The following INSYN2B variants were observed in gnomAD, a reference collection of about 807,000 sequenced individuals.
The protein encoded by INSYN2B is inhibitory synaptic factor family member 2B.
INSYN2B carries 16 observed loss-of-function variants against 41.2 expected under a neutral mutation model. That is an observed-to-expected ratio of 0.39 (90% CI 0.26 to 0.59). The LOEUF (loss-of-function observed/expected upper bound fraction) is 0.59, where lower values mean the gene tolerates loss of function less well. Ranked by LOEUF, INSYN2B falls within the 20% of genes least tolerant of loss-of-function variation. The probability of loss-of-function intolerance (pLI) is 0.57; values close to 1 mark genes in which losing one functional copy is unlikely to be tolerated. For synonymous variants in INSYN2B, 245 were observed against 244.4 expected (o/e 1.00, Z -0.02); for missense variants, 608 against 646.4 (o/e 0.94, Z 0.64).
At chr5:169,973,296 G>T (rs1416372909) in intron 1 of INSYN2B, among the ~76,000 whole-genome samples, 1 of 152,134 alleles carries the variant, frequency 6.6e-6, no homozygotes, top group African/African-American at 2.4e-5. Context: ...CCACAGGGGG[G>T]TTTAAATCAT....
intron 1 of INSYN2B, among the ~76,000 whole-genome samples, chr5:169,928,988 G>A (rs1480981197): frequency 1.3e-5 from 2 of 152,212 alleles, no homozygotes; most frequent in Non-Finnish European, 2.9e-5. Flanking sequence ...AAACATGTAG[G>A]ATGAGGAGGA....
intron 1 of INSYN2B, among the ~76,000 whole-genome samples, chr5:169,905,213 G>A (rs1774210413): frequency 6.6e-6 from 1 of 152,062 alleles, no homozygotes; most frequent in East Asian, 1.9e-4. Context: ...AGAGAGAAAT[G>A]TGCCACAAAG....
intron 1 of INSYN2B, among the ~76,000 whole-genome samples, chr5:169,925,463 C>G (rs1775389736): frequency 1.3e-5 from 2 of 151,764 alleles, no homozygotes; most frequent in African/African-American, 4.8e-5. Flanking sequence ...ACCTGTAATC[C>G]CAGCTACTTG....
intron 1 of INSYN2B, among the ~76,000 whole-genome samples, chr5:169,894,972 G>A (rs1446411804): frequency 6.6e-6 from 1 of 152,118 alleles, no homozygotes; most frequent in Non-Finnish European, 1.5e-5. Context: ...ATTTCTTAAG[G>A]GGCCAAGAAC....
intron 1 of INSYN2B, among the ~76,000 whole-genome samples, chr5:169,888,166 C>T (rs1283635206): frequency 6.6e-6 from 1 of 152,150 alleles, no homozygotes; most frequent in African/African-American, 2.4e-5. Flanking sequence ...TGTGTCGGAA[C>T]TCTCCTGCCC....
intron 1 of INSYN2B, among the ~76,000 whole-genome samples, chr5:169,887,621 A>T (rs949610766): frequency 1.3e-5 from 2 of 152,212 alleles, no homozygotes; most frequent in African/African-American, 4.8e-5. Flanking sequence ...CTATTTAAAT[A>T]GTATTTTTGT....
intron 1 of INSYN2B, among the ~76,000 whole-genome samples, chr5:169,885,156 T>C (rs547543725): frequency 2.0e-5 from 3 of 152,334 alleles, no homozygotes; most frequent in South Asian, 4.1e-4. Context: ...TCAGGACCCA[T>C]TGTACATCCT....
At chr5:169,964,696 G>T (rs1159782362) in intron 1 of INSYN2B, among the ~76,000 whole-genome samples, 3 of 152,230 alleles carry the variant, frequency 2.0e-5, no homozygotes, top group South Asian at 2.1e-4. Context: ...GGCTGGAGCT[G>T]CCCTGTCTTC....
intron 1 of INSYN2B, among the ~76,000 whole-genome samples, chr5:169,904,966 G>C (rs1178773820): frequency 6.6e-6 from 1 of 152,132 alleles, no homozygotes; most frequent in African/African-American, 2.4e-5. Flanking sequence ...CTCCCTAGCT[G>C]TGTGACCTTG....
intron 1 of INSYN2B, among the ~76,000 whole-genome samples, chr5:169,887,015 A>C (rs1192609142): frequency 6.6e-6 from 1 of 152,240 alleles, no homozygotes; most frequent in South Asian, 2.1e-4. Flanking sequence ...ACTGAGGCAC[A>C]GAAGATGAAT....
chr5:169,924,643 A>G (rs1429331005), intron 1 of INSYN2B, among the ~76,000 whole-genome samples: 3 of 152,166 alleles, frequency 2.0e-5, no homozygotes, highest in Non-Finnish European at 4.4e-5. Context: ...CCTATTAGCA[A>G]CCCCATCCTG....
chr5:169,864,211 G>A lies in INSYN2B; in HGVS notation c.*62C>T. The A allele has an allele frequency of 7.1e-7, 1 of 1,414,386 alleles. No individual in the cohort carries two copies. The highest frequency in any genetic ancestry group is 1.4e-5 in the African/African-American group (1 of 70,632). The allele number at this position is 1,414,386 out of a possible 1,614,324, so 87.6% of individuals were successfully genotyped here. On this transcript the variant is annotated 3_prime_UTR_variant, in exon 4 of 4. Coordinates refer to ENST00000377365, the MANE Select transcript of INSYN2B (RefSeq NM_001129891.3). ...AGAAGCAGGGCAGGCCTTAAGTGCA[G>A]TGGATTTCCCATCTCAGGGAAGTGC...
At chr5:169,962,461 C>A (rs1004179777) in intron 1 of INSYN2B, among the ~76,000 whole-genome samples, 2 of 152,064 alleles carry the variant, frequency 1.3e-5, no homozygotes, top group Non-Finnish European at 2.9e-5. Flanking sequence ...TTGGGGTGAG[C>A]AAAGGTGTGA....
intron 1 of INSYN2B, among the ~76,000 whole-genome samples, 176 bp downstream of exon 1, chr5:169,980,101 A>T (rs1438770289): frequency 6.6e-6 from 1 of 152,184 alleles, no homozygotes; most frequent in Non-Finnish European, 1.5e-5. Context: ...GGCAGCCTGC[A>T]GTTCTGACAA....
chr5:169,930,706 G>T (rs1222631008), intron 1 of INSYN2B, among the ~76,000 whole-genome samples: 1 of 152,220 alleles, frequency 6.6e-6, no homozygotes, highest in Non-Finnish European at 1.5e-5. Context: ...AAGAAGGGTT[G>T]CTTCTCTCAC....
intron 3 of INSYN2B, among the ~76,000 whole-genome samples, chr5:169,868,119 C>T (rs535561593): frequency 1.3e-5 from 2 of 152,282 alleles, no homozygotes; most frequent in African/African-American, 4.8e-5. Flanking sequence ...TTTTCTTGTA[C>T]AAAACATTCC....
chr5:169,975,176 A>G (rs1438052743), intron 1 of INSYN2B, among the ~76,000 whole-genome samples: 1 of 152,206 alleles, frequency 6.6e-6, no homozygotes. Flanking sequence ...GAAGAGTGAC[A>G]ACCATCAGGA....
intron 3 of INSYN2B, among the ~76,000 whole-genome samples, chr5:169,867,847 G>A (rs1447992174): frequency 1.3e-5 from 2 of 152,154 alleles, no homozygotes; most frequent in African/African-American, 4.8e-5. Flanking sequence ...AGTGGAAACT[G>A]GAGATGGATT....
At position 169,883,512 on chromosome 5, in the gene INSYN2B, T is replaced by C; in HGVS notation, c.387A>G (p.Gln129=). The C allele has an allele frequency of 1.9e-6, 3 of 1,551,602 alleles. No individual in the cohort carries two copies. Among genetic ancestry groups the C allele is most frequent in the Non-Finnish European group, 2.6e-6 (3 of 1,146,948 alleles). The change falls in exon 2 of 4, where the codon CAA becomes CAG. Residue 129 remains glutamine, a synonymous_variant. Transcript: ENST00000377365. The stretch of plus-strand genomic sequence containing the variant: ...GGTTACCGTTGACCTGGATGGCACT[T>C]TGGGAGGCTGTTGGCATTTCCACCA... ...KSLVEMPTAS[Q]SAIQVNGNLS...
Sources: gnomAD v4.1 joint callset for allele counts (sites outside exome capture counted in the v4.1 genomes callset) on GRCh38, gnomAD v4.1.1 for gene constraint, MANE v1.5 for transcripts, NCBI Gene and HGNC (gene_info 2026-07-23, HGNC 2026-07-21) for gene names.